The following TNN variants were observed in gnomAD, a reference collection of about 807,000 sequenced individuals.
TNN encodes the protein tenascin-N.
Under a neutral mutation model 134.4 loss-of-function variants are expected in TNN, and 122 were observed. That is an observed-to-expected ratio of 0.91 (90% CI 0.78 to 1.06). The LOEUF (loss-of-function observed/expected upper bound fraction) is 1.06, where lower values mean the gene tolerates loss of function less well. Ranked by LOEUF, TNN falls within the 50% of genes least tolerant of loss-of-function variation. The probability of loss-of-function intolerance (pLI) is 0.00; values close to 1 mark genes in which losing one functional copy is unlikely to be tolerated. For missense variants in TNN, 1,739 were observed against 1,699.4 expected, an observed-to-expected ratio of 1.02 and a Z score of -0.41; for synonymous variants, 710 against 670.3, an observed-to-expected ratio of 1.06 and a Z score of -0.91.
At chr1:175,126,321 C>G (rs538948057) in intron 12 of TNN, among the ~76,000 whole-genome samples, 15 of 151,886 alleles carry the variant, frequency 9.9e-5, no homozygotes, top group African/African-American at 3.6e-4. Context: ...AGGCTGGTGT[C>G]GAACTCTTGA....
rs186136161 is a variant in TNN, at chr1:175,108,549, C to T, written c.2120-8390C>T. 3.9e-3 allele frequency among the ~76,000 whole-genome samples: 591 copies of T among 152,344 alleles called. 2 individuals carry two copies. The highest frequency in any genetic ancestry group is 0.014 in the African/African-American group (563 of 41,586). ...GAGGCTCGGGCTGCACAGGAACCCACGGAGGCAGGGGAAGGCTTAGGCATG... is the reference window on the plus strand; with the variant it reads ...GAGGCTCGGGCTGCACAGGAACCCATGGAGGCAGGGGAAGGCTTAGGCATG... On this transcript the variant is annotated intron_variant, in intron 9 of 18. Coordinates refer to ENST00000239462, the MANE Select transcript of TNN (RefSeq NM_022093.2).
At chr1:175,074,981 AC>A (rs1674005795) in intron 1 of TNN, among the ~76,000 whole-genome samples, 1 of 152,148 alleles carries the variant, frequency 6.6e-6, no homozygotes, top group African/African-American at 2.4e-5. Context: ...TGGTTTCCTT[AC>A]CTTTTGAGTG....
chr1:175,099,930 G>T (rs532378014), intron 9 of TNN, among the ~76,000 whole-genome samples: 1 of 152,126 alleles, frequency 6.6e-6, no homozygotes, highest in South Asian at 2.1e-4. Flanking sequence ...TCTCTGGTGG[G>T]GTTGCCTTGC....
chr1:175,068,733 T>C (rs1015167132), intron 1 of TNN, among the ~76,000 whole-genome samples: 1 of 152,014 alleles, frequency 6.6e-6, no homozygotes, highest in Admixed American at 6.6e-5. Context: ...ATGGAGAAAC[T>C]CCGTCTCTAC....
At chr1:175,095,061 G>A (rs1035372938) in intron 7 of TNN, among the ~76,000 whole-genome samples, 3 of 152,192 alleles carry the variant, frequency 2.0e-5, no homozygotes, top group African/African-American at 7.2e-5. Flanking sequence ...GTGGCTTTGA[G>A]CAAGTTACTT....
At chr1:175,110,286 C>A in intron 9 of TNN, among the ~76,000 whole-genome samples, 1 of 152,204 alleles carries the variant, frequency 6.6e-6, no homozygotes. Context: ...ATCACATAGA[C>A]AGCTTGCAAA....
intron 9 of TNN, among the ~76,000 whole-genome samples, chr1:175,102,399 T>A (rs1235232521): frequency 1.4e-5 from 2 of 145,744 alleles, no homozygotes; most frequent in African/African-American, 2.5e-5. Context: ...CCACAGAGGT[T>A]GGGGAAGGCT....
In TNN at chr1:175,143,434, GT is replaced by G. The variant is rs1675985127; in HGVS notation, c.3596-949del. Among the ~76,000 whole-genome samples the G allele has an allele frequency of 2.6e-5, 4 of 152,234 alleles. No homozygotes were observed. In the South Asian group the frequency reaches 8.3e-4, roughly 32 times the overall value. Reference sequence around the variant, plus strand: ...ATACATAAGCAAAATAATTAAAGCAGTTTTCCAGATGGGATGTAATGAAGGA... The same window carrying G: ...ATACATAAGCAAAATAATTAAAGCAGTTTCCAGATGGGATGTAATGAAGGA... On this transcript the variant is annotated intron_variant, in intron 17 of 18. Transcript: ENST00000239462.
intron 9 of TNN, among the ~76,000 whole-genome samples, chr1:175,112,503 C>G (rs1675054325): frequency 6.9e-6 from 1 of 145,344 alleles, no homozygotes; most frequent in South Asian, 2.2e-4. Context: ...CATCCTTTCA[C>G]TTTGCATCTA....
chr1:175,128,519 C>G, intron 14 of TNN, 76 bp from the exon 15 acceptor site: 1 of 1,464,030 alleles, frequency 6.8e-7, no homozygotes, highest in Non-Finnish European at 9.1e-7. Context: ...AAATAAATTG[C>G]CTTAAAATAG....
intron 17 of TNN, among the ~76,000 whole-genome samples, chr1:175,141,832 C>T (rs773092997): frequency 2.6e-5 from 4 of 152,192 alleles, no homozygotes; most frequent in Admixed American, 6.5e-5. Context: ...TCCTCATTCT[C>T]ACTCTCTACA....
chr1:175,124,751 G>T (rs1364622882), intron 12 of TNN, among the ~76,000 whole-genome samples: 10 of 152,070 alleles, frequency 6.6e-5, no homozygotes, highest in African/African-American at 2.2e-4. Context: ...AGTATGCAGG[G>T]TTGCTCTCCA....
intron 9 of TNN, among the ~76,000 whole-genome samples, chr1:175,102,964 A>G (rs970461173): frequency 6.8e-6 from 1 of 146,228 alleles, no homozygotes; most frequent in African/African-American, 2.5e-5. Context: ...GGGGCCCTGC[A>G]GTTGCGGTGT....
chr1:175,109,723 T>A (rs2149436706), intron 9 of TNN, among the ~76,000 whole-genome samples: 1 of 149,986 alleles, frequency 6.7e-6, no homozygotes, highest in East Asian at 1.9e-4. Context: ...CACACATACA[T>A]ATATATATAT....
intron 12 of TNN, among the ~76,000 whole-genome samples, chr1:175,126,721 T>A (rs921010364): frequency 1.3e-5 from 2 of 152,172 alleles, no homozygotes; most frequent in Non-Finnish European, 1.5e-5. Flanking sequence ...CCCAGATTCC[T>A]TTCCTCTGGG....
chr1:175,082,115 G>A lies in TNN; in HGVS notation c.1049-1635G>A, dbSNP rs116322815. On this transcript the variant is annotated intron_variant, in intron 4 of 18. Coordinates refer to ENST00000239462, the MANE Select transcript of TNN (RefSeq NM_022093.2). ...GAGACACCAAGTCCTCACTGTGGGA[G>A]CCAGGCCCATTCTGGCTGGCAGAGT... Among the ~76,000 whole-genome samples, 368 of 152,288 alleles carry A rather than the reference G, an allele frequency of 2.4e-3. 2 individuals carry two copies. The highest frequency in any genetic ancestry group is 8.2e-3 in the African/African-American group (339 of 41,556).
chr1:175,135,686 A>G (rs993231160), intron 15 of TNN, among the ~76,000 whole-genome samples, 159 bp from the exon 16 acceptor site: 2 of 152,240 alleles, frequency 1.3e-5, no homozygotes, highest in East Asian at 3.8e-4. Context: ...GCTTATTAAT[A>G]TAGTGAATCT....
rs1675099195 is a variant in TNN at position 175,113,858 on chromosome 1, A to T, written c.2120-3081A>T. On this transcript the variant is annotated intron_variant, in intron 9 of 18. Coordinates refer to ENST00000239462, the MANE Select transcript of TNN (RefSeq NM_022093.2). The stretch of plus-strand genomic sequence containing the variant: ...ATCAAGTCTGCTGTGGAAGCTCTTC[A>T]TTATATTTTTAAATTCCATTCATTG... Among the ~76,000 whole-genome samples the T allele has an allele frequency of 3.3e-5, 5 of 151,782 alleles. No individual in the cohort carries two copies. In the South Asian group the frequency reaches 1.0e-3, roughly 31 times the overall value.
In TNN at chr1:175,117,162, G is replaced by A. The variant is rs1252654278; in HGVS notation, c.2343G>A (p.Lys781=). 6.8e-6 allele frequency: 11 copies of A among 1,614,144 alleles called. No individual in the cohort carries two copies. Among genetic ancestry groups the A allele is most frequent in the South Asian group, 1.1e-5 (1 of 91,094 alleles). ...ACACGGTGCACGTGTGGGCCCAGAA[G>A]GGGGCCCAGGAGAGCAAGAAGGCTG... ...VEYTVHVWAQ[K]GAQESKKADT... is the part of the protein sequence containing the mutation. Residue 781 remains lysine, a synonymous_variant, in exon 10 of 19, where the codon AAG becomes AAA. Transcript: ENST00000239462.
Sources: gnomAD v4.1 joint callset for allele counts (sites outside exome capture counted in the v4.1 genomes callset) on GRCh38, gnomAD v4.1.1 for gene constraint, MANE v1.5 for transcripts, NCBI Gene and HGNC (gene_info 2026-07-23, HGNC 2026-07-21) for gene names.